Variants in GRIK5 observed in about 807,000 individuals in gnomAD.
GRIK5 encodes glutamate ionotropic receptor kainate type subunit 5.
A neutral mutation model predicts 97.4 loss-of-function variants in GRIK5; 43 were observed. That is an observed-to-expected ratio of 0.44 (90% CI 0.35 to 0.57). The LOEUF (loss-of-function observed/expected upper bound fraction) is 0.57. Ranked by LOEUF, GRIK5 falls within the 20% of genes least tolerant of loss-of-function variation. The probability of loss-of-function intolerance (pLI) is 0.01; values close to 1 mark genes in which losing one functional copy is unlikely to be tolerated. For missense variants in GRIK5, 1,015 were observed against 1,382.0 expected (o/e 0.73, Z 4.21); for synonymous variants, 580 against 583.5 (o/e 0.99, Z 0.09).
intron 15 of GRIK5, among the ~76,000 whole-genome samples, chr19:42,020,939 G>A (rs1401812443): frequency 6.6e-6 from 1 of 152,168 alleles, no homozygotes; most frequent in African/African-American, 2.4e-5. Context: ...AGGCTGGAGT[G>A]CAGTGGGGAG....
chr19:42,061,311 T>G (rs1358318192), intron 5 of GRIK5, among the ~76,000 whole-genome samples: 2 of 152,240 alleles, frequency 1.3e-5, no homozygotes, highest in Non-Finnish European at 2.9e-5. Context: ...CCCAAAGTGC[T>G]GGGATTACAG....
chr19:42,043,675 G>A (rs1599812554), intron 11 of GRIK5, among the ~76,000 whole-genome samples: 2 of 151,980 alleles, frequency 1.3e-5, no homozygotes, highest in African/African-American at 4.8e-5. Flanking sequence ...GCCTCCCAAA[G>A]TGCAGGTGTG....
chr19:42,055,846 C>A (rs1299107783), intron 8 of GRIK5, among the ~76,000 whole-genome samples: 1 of 152,038 alleles, frequency 6.6e-6, no homozygotes, highest in Non-Finnish European at 1.5e-5. Flanking sequence ...CCACACCCAG[C>A]TAATGTTTGT....
chr19:42,037,244 G>C (rs1160225931), intron 12 of GRIK5, among the ~76,000 whole-genome samples: 1 of 152,318 alleles, frequency 6.6e-6, no homozygotes, highest in East Asian at 1.9e-4. Flanking sequence ...CAGCTCACTT[G>C]AGGTCAGGAG....
intron 1 of GRIK5, among the ~76,000 whole-genome samples, chr19:42,066,277 C>T (rs1329224601): frequency 6.6e-6 from 1 of 151,854 alleles, no homozygotes; most frequent in Non-Finnish European, 1.5e-5. Flanking sequence ...GCAACCCCAT[C>T]CCAGGCCTCA....
Position 42,003,669 on chromosome 19 carries a change from C to G in GRIK5, c.2278G>C (p.Asp760His). The change falls in exon 18 of 20, where the codon GAT (aspartate) becomes CAT (histidine). Residue 760 changes from aspartate to histidine, a missense_variant. Coordinates refer to ENST00000593562, the MANE Select transcript of GRIK5 (RefSeq NM_002088.5). The surrounding 1 kb of genome is among the most constrained non-coding windows in gnomAD (Gnocchi z 4.2). ...IGMPLGSPFR[D>H]EITLAILQLQ... Reference sequence around the variant, plus strand: ...TGCAGGATGGCCAGTGTGATCTCATCCCGGAACGGGGAGCCTGGGCAGGCA... The same window carrying G: ...TGCAGGATGGCCAGTGTGATCTCATGCCGGAACGGGGAGCCTGGGCAGGCA... 6.2e-7 allele frequency: 1 copy of G among 1,612,062 alleles called. No homozygotes were observed. The highest frequency in any genetic ancestry group is 8.5e-7 in the Non-Finnish European group (1 of 1,178,960).
rs763524836 is a variant in GRIK5 at position 42,042,700 on chromosome 19, C to G, written c.1325G>C (p.Arg442Pro). ...PNFQALSGNE[R>P]FEGFCVDMLR... ...CATGTCCACGCAGAAGCCCTCGAAG[C>G]GTTCGTTCCCCGACAGGGCCTGGAA... The change falls in exon 12 of 20, where the codon CGC becomes CCC. Residue 442 changes from arginine (R) to proline (P), a missense_variant. By Grantham distance (103) the Arg-to-Pro change is moderately radical (BLOSUM62 -2). Coordinates refer to ENST00000593562, the MANE Select transcript of GRIK5 (RefSeq NM_002088.5). The surrounding 1 kb of genome is among the most constrained non-coding windows in gnomAD (Gnocchi z 6.9). The G allele has an allele frequency of 6.2e-7, 1 of 1,613,766 alleles. No individual in the cohort carries two copies. The highest frequency in any genetic ancestry group is 8.5e-7 in the Non-Finnish European group (1 of 1,180,024).
intron 6 of GRIK5, among the ~76,000 whole-genome samples, chr19:42,058,585 TG>T (rs970304048): frequency 6.7e-6 from 1 of 149,642 alleles, no homozygotes; most frequent in Non-Finnish European, 1.5e-5. Context: ...TCCAGCACTT[TG>T]GGAGGCTGAG....
chr19:42,056,024 C>T (rs887768655), intron 8 of GRIK5, among the ~76,000 whole-genome samples: 7 of 150,346 alleles, frequency 4.7e-5, no homozygotes, highest in East Asian at 2.0e-4. Context: ...CTCGCTCTCT[C>T]GCCCAGGCTG....
intron 17 of GRIK5, among the ~76,000 whole-genome samples, chr19:42,005,216 C>T (rs1229343073): frequency 3.3e-5 from 4 of 122,820 alleles, no homozygotes; most frequent in South Asian, 2.6e-4. Context: ...CCAAGGCGGG[C>T]GACAGAGCAA....
Position 41,998,984 on chromosome 19 carries a change from C to G in GRIK5, c.2830G>C (p.Ala944Pro). 2 of 1,201,794 alleles carry G rather than the reference C, an allele frequency of 1.7e-6. No individual in the cohort carries two copies. Among genetic ancestry groups the G allele is most frequent in the Non-Finnish European group, 2.1e-6 (2 of 961,774 alleles). The allele number at this position is 1,201,794 out of a possible 1,614,324, so 74.4% of individuals were successfully genotyped here. The change falls in exon 20 of 20, where the codon GCC (alanine) becomes CCC (proline). Residue 944 changes from alanine to proline, a missense_variant. Transcript: ENST00000593562. Reference protein sequence around the residue: ...QECRRIQALRASGAGAPPRGL... With the variant: ...QECRRIQALRPSGAGAPPRGL... ...CGCGGAGGCGCGCCGGCCCCCGAGG[C>G]CCGCAGCGCCTGGATGCGCCGGCAC...
chr19:42,049,583 T>G (rs1568919308), intron 11 of GRIK5, among the ~76,000 whole-genome samples: 1 of 152,116 alleles, frequency 6.6e-6, no homozygotes, highest in African/African-American at 2.4e-5. Flanking sequence ...AGCTGATCTG[T>G]GGTGACGGAA....
At chr19:42,026,186 C>G (rs1396431481) in intron 12 of GRIK5, among the ~76,000 whole-genome samples, 2 of 152,104 alleles carry the variant, frequency 1.3e-5, no homozygotes, top group Non-Finnish European at 2.9e-5. Flanking sequence ...CAGGGTCTGG[C>G]TATGTTCCCC....
At chr19:42,041,339 C>T (rs370704553) in intron 12 of GRIK5, among the ~76,000 whole-genome samples, 1 of 152,168 alleles carries the variant, frequency 6.6e-6, no homozygotes, top group African/African-American at 2.4e-5. Flanking sequence ...AATCAGGGGC[C>T]TACTTATCTC....
intron 1 of GRIK5, among the ~76,000 whole-genome samples, chr19:42,067,088 C>T (rs1342603371): frequency 6.6e-6 from 1 of 152,236 alleles, no homozygotes; most frequent in Non-Finnish European, 1.5e-5. Context: ...CTCCACTTCC[C>T]CTGGCTGAGG....
In GRIK5 at chr19:42,001,963, C is replaced by T; in HGVS notation, c.2514+1369G>A. On this transcript the variant is annotated intron_variant, in intron 19 of 19. Transcript: ENST00000593562. ...CCCTGGAGCCCCACAACAAACAGAG[C>T]CTGGGGAGAAAGAGAAACCCAACGA... is the stretch of plus-strand genomic sequence containing the variant. The T allele has an allele frequency of 5.0e-6, 3 of 604,176 alleles. No individual in the cohort carries two copies. The South Asian group carries it at 6.2e-5, about 12-fold the overall frequency. 37.4% of individuals were successfully genotyped at this position (604,176 alleles called of 1,614,324 possible).
rs1233748694 is a variant in GRIK5, at chr19:42,022,689, G to C, written c.1474-335C>G. The stretch of plus-strand genomic sequence containing the variant: ...AACTTCTCCCTAGGGCCATAAAAGA[G>C]CCAAGGTCCTGAAGGGGCTGAGACT... On this transcript the variant is annotated intron_variant, in intron 12 of 19. Transcript: ENST00000593562. This position sits in a 1 kb window ranked among gnomAD's most constrained non-coding sequence, Gnocchi z 4.2. 2 of 983,996 alleles carry C rather than the reference G, an allele frequency of 2.0e-6. No homozygotes were observed. Among genetic ancestry groups the C allele is most frequent in the African/African-American group, 3.5e-5 (2 of 57,080 alleles). 61.0% of individuals were successfully genotyped at this position (983,996 alleles called of 1,614,324 possible).
intron 12 of GRIK5, among the ~76,000 whole-genome samples, chr19:42,026,637 T>C (rs2075775372): frequency 6.7e-6 from 1 of 149,706 alleles, no homozygotes; most frequent in South Asian, 2.1e-4. Context: ...GGTGCAATCA[T>C]GGCTCAGTGC....
chr19:42,037,373 C>G (rs1425977503), intron 12 of GRIK5, among the ~76,000 whole-genome samples: 1 of 152,126 alleles, frequency 6.6e-6, no homozygotes, highest in South Asian at 2.1e-4. Flanking sequence ...GCAGGAAAAT[C>G]GCTTGAACCC....
Sources: gnomAD v4.1 joint callset for allele counts (sites outside exome capture counted in the v4.1 genomes callset) on GRCh38, gnomAD v4.1.1 for gene constraint, Gnocchi (gnomAD v3.1) non-coding constraint, MANE v1.5 for transcripts, NCBI Gene and HGNC (gene_info 2026-07-23, HGNC 2026-07-21) for gene names.